Variants in TNRC6B observed in about 807,000 individuals in gnomAD.
The protein encoded by TNRC6B is trinucleotide repeat-containing gene 6B protein.
A neutral mutation model predicts 203.6 loss-of-function variants in TNRC6B; 52 were observed. The observed-to-expected ratio is 0.26, with a 90% CI of 0.20 to 0.32. The LOEUF (loss-of-function observed/expected upper bound fraction) is 0.32, where lower values mean the gene tolerates loss of function less well. Ranked by LOEUF, TNRC6B falls within the 10% of genes least tolerant of loss-of-function variation. TNRC6B has a pLI of 1.00. For missense variants in TNRC6B, 1,923 were observed against 2,286.2 expected (o/e 0.84, Z 3.24); for synonymous variants, 838 against 845.7 (o/e 0.99, Z 0.16).
intron 3 of TNRC6B, among the ~76,000 whole-genome samples, chr22:40,260,597 T>C (rs1242292262): frequency 6.6e-6 from 1 of 152,210 alleles, no homozygotes; most frequent in African/African-American, 2.4e-5. Flanking sequence ...TTAGCCCATC[T>C]AGGCCAGGGG....
At chr22:40,238,596 C>G (rs956513777) in intron 1 of TNRC6B, among the ~76,000 whole-genome samples, 6 of 152,122 alleles carry the variant, frequency 3.9e-5, no homozygotes, top group African/African-American at 1.4e-4. Context: ...GCCACTCCCT[C>G]TGTCTGGAAT....
At chr22:40,176,755 A>G (rs2069066128), upstream of TNRC6B, among the ~76,000 whole-genome samples, 1 of 152,184 alleles carries the variant, frequency 6.6e-6, no homozygotes, top group South Asian at 2.1e-4. Flanking sequence ...ATTGCTCTGA[A>G]GAAGTAGTAA....
chr22:40,263,766 A>T (rs2070424839), intron 4 of TNRC6B, among the ~76,000 whole-genome samples: 1 of 152,182 alleles, frequency 6.6e-6, no homozygotes, highest in Non-Finnish European at 1.5e-5. Flanking sequence ...AACTCTGCCT[A>T]ATTCATACTC....
At chr22:40,169,418 C>T (rs1421848733) in intron 4 of TNRC6B, among the ~76,000 whole-genome samples, 1 of 152,114 alleles carries the variant, frequency 6.6e-6, no homozygotes, top group Non-Finnish European at 1.5e-5. Flanking sequence ...GTGTGAGTCA[C>T]CACACCTGGT....
At chr22:40,307,352 G>A (rs976364596) in intron 15 of TNRC6B, among the ~76,000 whole-genome samples, 2 of 152,180 alleles carry the variant, frequency 1.3e-5, no homozygotes, top group African/African-American at 2.4e-5. Flanking sequence ...TGGCTCTGCC[G>A]TGGTGGGAGG....
chr22:40,056,610 A>G (rs1601788297), intron 1 of TNRC6B, among the ~76,000 whole-genome samples: 1 of 152,178 alleles, frequency 6.6e-6, no homozygotes, highest in East Asian at 1.9e-4. Context: ...CTTGAGCAAC[A>G]TAGTGAGACC....
chr22:40,288,914 A>G (rs1313340411), intron 12 of TNRC6B, among the ~76,000 whole-genome samples: 1 of 147,204 alleles, frequency 6.8e-6, no homozygotes, highest in African/African-American at 2.5e-5. Flanking sequence ...CCTGGGTTCA[A>G]GTGATTCTTG....
chr22:40,125,728 T>G (rs1219225843), intron 2 of TNRC6B: 52 of 1,479,404 alleles, frequency 3.5e-5, no homozygotes, highest in Non-Finnish European at 4.6e-5. Context: ...AAAATTTTTT[T>G]GCCCTGAATT....
rs889220319 is a variant in TNRC6B at position 40,048,144 on chromosome 22, T to G, written c.-121+3146T>G. Among the ~76,000 whole-genome samples, 10 of 152,214 alleles carry G rather than the reference T, an allele frequency of 6.6e-5. 1 individual carries two copies. The highest frequency in any genetic ancestry group is 5.9e-4 in the Admixed American group (9 of 15,280). On this transcript the variant is annotated intron_variant, in intron 1 of 23. Coordinates refer to the TNRC6B transcript ENST00000301923. Reference sequence around the variant, plus strand: ...CACTTCCAGAGTTCTGAAAGAGCAGTCTATGCTGGCTGCTTCCCTTTCTTC... The same window carrying G: ...CACTTCCAGAGTTCTGAAAGAGCAGGCTATGCTGGCTGCTTCCCTTTCTTC...
intron 4 of TNRC6B, among the ~76,000 whole-genome samples, chr22:40,156,486 A>C (rs755630896): frequency 5.3e-5 from 8 of 152,206 alleles, no homozygotes; most frequent in Non-Finnish European, 1.2e-4. Flanking sequence ...TTCCAAAGAA[A>C]GTATAAAATG....
intron 1 of TNRC6B, among the ~76,000 whole-genome samples, chr22:40,233,315 C>T (rs933349314): frequency 1.0e-4 from 15 of 150,356 alleles, no homozygotes; most frequent in Non-Finnish European, 1.9e-4. Flanking sequence ...AAGCAAGACT[C>T]GTCACAAAAA....
chr22:40,089,027 A>G (rs528887654), intron 1 of TNRC6B, among the ~76,000 whole-genome samples: 1 of 152,298 alleles, frequency 6.6e-6, no homozygotes, highest in Non-Finnish European at 1.5e-5. Context: ...AACTGTACTC[A>G]TGTGGAACAT....
Position 40,294,582 on chromosome 22 carries a change from A to T in TNRC6B, c.3709-5873A>T, listed in dbSNP as rs150630742. ...TATGGGCAACACTATGTTACCAAAT[A>T]CAGTCGCTAACTGAGATGAATTTAG... On this transcript the variant is annotated intron_variant, in intron 12 of 22. Transcript: ENST00000454349. 4.0e-3 allele frequency among the ~76,000 whole-genome samples: 613 copies of T among 152,342 alleles called. 5 individuals carry two copies. Among genetic ancestry groups the T allele is most frequent in the African/African-American group, 0.013 (554 of 41,582 alleles).
At chr22:40,302,494 G>A (rs887423969) in intron 15 of TNRC6B, among the ~76,000 whole-genome samples, 8 of 152,166 alleles carry the variant, frequency 5.3e-5, no homozygotes, top group African/African-American at 1.7e-4. Flanking sequence ...TTAGCCGGAC[G>A]TTGTGGCATG....
chr22:40,292,965 A>G (rs1319663128), intron 12 of TNRC6B, among the ~76,000 whole-genome samples: 1 of 152,048 alleles, frequency 6.6e-6, no homozygotes, highest in African/African-American at 2.4e-5. Flanking sequence ...CCTTTTTTGC[A>G]CTTAACCCAT....
chr22:40,169,187 A>G (rs1024048447), intron 4 of TNRC6B, among the ~76,000 whole-genome samples: 9 of 142,244 alleles, frequency 6.3e-5, no homozygotes, highest in Non-Finnish European at 3.0e-5. Flanking sequence ...GCTGGAGTGC[A>G]GTGGCATGAT....
At chr22:40,117,394 T>C (rs1394188144) in intron 2 of TNRC6B, among the ~76,000 whole-genome samples, 1 of 152,162 alleles carries the variant, frequency 6.6e-6, no homozygotes, top group Non-Finnish European at 1.5e-5. Context: ...TTTATGTGAG[T>C]GTTCCCCTAG....
chr22:40,053,243 AGACT>A (rs897869606), intron 1 of TNRC6B, among the ~76,000 whole-genome samples: 20 of 152,294 alleles, frequency 1.3e-4, no homozygotes, highest in African/African-American at 4.8e-4. Context: ...AGTTTTAATA[AGACT>A]GACTTTCTTT....
At chr22:40,148,187 C>G (rs1414300967) in intron 3 of TNRC6B, among the ~76,000 whole-genome samples, 2 of 151,686 alleles carry the variant, frequency 1.3e-5, no homozygotes, top group African/African-American at 4.8e-5. Context: ...AAAGTCCACA[C>G]AAAGTACTGC....
Sources: gnomAD v4.1 joint callset for allele counts (sites outside exome capture counted in the v4.1 genomes callset) on GRCh38, gnomAD v4.1.1 for gene constraint, MANE v1.5 for transcripts, NCBI Gene and HGNC (gene_info 2026-07-23, HGNC 2026-07-21) for gene names.